GRID2: variants seen among roughly 807,000 people sequenced by gnomAD.
GRID2 encodes glutamate receptor ionotropic, delta-2.
A neutral mutation model predicts 114.8 loss-of-function variants in GRID2; 33 were observed. That is an observed-to-expected ratio of 0.29 (90% CI 0.22 to 0.38). GRID2 has a LOEUF of 0.38. GRID2 is among the 10% of genes least tolerant of loss of function. GRID2 has a pLI of 1.00. For synonymous variants in GRID2, 505 were observed against 449.9 expected (o/e 1.12, Z -1.55); for missense variants, 1,184 against 1,257.7 (o/e 0.94, Z 0.89).
At chr4:93,782,799 T>G (rs1468983319) in intron 1 of GRID2, among the ~76,000 whole-genome samples, 2 of 152,136 alleles carry the variant, frequency 1.3e-5, no homozygotes, top group Non-Finnish European at 2.9e-5. Context: ...AAAATAACTG[T>G]TAAAACCTGA....
intron 14 of GRID2, among the ~76,000 whole-genome samples, chr4:93,728,770 T>C (rs1480688013): frequency 6.6e-6 from 1 of 152,150 alleles, no homozygotes; most frequent in Non-Finnish European, 1.5e-5. Context: ...TGATCTTTGT[T>C]GGTTTAAAGT....
At chr4:93,382,498 T>C (rs1283190938) in intron 8 of GRID2, among the ~76,000 whole-genome samples, 2 of 152,088 alleles carry the variant, frequency 1.3e-5, no homozygotes, top group African/African-American at 4.8e-5. Flanking sequence ...TTCTTCTGGC[T>C]GCTTAAATCT....
intron 4 of GRID2, among the ~76,000 whole-genome samples, chr4:93,169,634 T>G (rs1738602715): frequency 6.6e-6 from 1 of 152,216 alleles, no homozygotes; most frequent in Admixed American, 6.5e-5. Context: ...GGAGTTATTT[T>G]TCAGTGGTTG....
At position 93,149,125 on chromosome 4, in the gene GRID2, C is replaced by T. The variant is rs533581413; in HGVS notation, c.735+38172C>T. 6.0e-4 allele frequency among the ~76,000 whole-genome samples: 92 copies of T among 152,170 alleles called. 1 individual carries two copies. The highest frequency in any genetic ancestry group is 1.2e-3 in the African/African-American group (51 of 41,516). On this transcript the variant is annotated intron_variant, in intron 4 of 15. Coordinates refer to ENST00000282020, the MANE Select transcript of GRID2 (RefSeq NM_001510.4). ...CCCCTCAGCAGCAGATCCCGTGTGA[C>T]GCTGCTAAGCATACATTGAAATACA...
chr4:93,669,031 T>C lies in GRID2; in HGVS notation c.2360+42596T>C, dbSNP rs1578520761. Among the ~76,000 whole-genome samples, 4 of 152,192 alleles carry C rather than the reference T, an allele frequency of 2.6e-5. No individual in the cohort carries two copies. The East Asian group carries it at 5.8e-4, about 22-fold the overall frequency. ...ATAGTTTGGCATGCTTAGTAAGTGA[T>C]ATCTCATGAGTGAAATGTTGATGCA... On this transcript the variant is annotated intron_variant, in intron 14 of 15. Transcript: ENST00000282020.
chr4:93,219,316 T>C (rs1744612188), intron 6 of GRID2, among the ~76,000 whole-genome samples: 1 of 152,170 alleles, frequency 6.6e-6, no homozygotes, highest in Admixed American at 6.6e-5. Context: ...AACATAATCT[T>C]TCCATTTCAG....
intron 1 of GRID2, among the ~76,000 whole-genome samples, chr4:92,325,193 T>C (rs1726529978): frequency 6.6e-6 from 1 of 151,960 alleles, no homozygotes; most frequent in African/African-American, 2.4e-5. Flanking sequence ...TCAGCTCAAA[T>C]GCCATTTTAC....
intron 4 of GRID2, among the ~76,000 whole-genome samples, chr4:93,111,601 T>A (rs1333793746): frequency 1.3e-5 from 2 of 152,178 alleles, no homozygotes; most frequent in African/African-American, 2.4e-5. Flanking sequence ...TGCCTGCTAT[T>A]GCCTTGTAAA....
At chr4:93,123,198 A>G (rs927140263) in intron 4 of GRID2, among the ~76,000 whole-genome samples, 4 of 152,042 alleles carry the variant, frequency 2.6e-5, no homozygotes, top group African/African-American at 4.8e-5. Context: ...CTAACAGCCT[A>G]TAGTCTATTT....
intron 13 of GRID2, among the ~76,000 whole-genome samples, chr4:93,529,179 A>ATGCTTATT (rs774801472): frequency 1.3e-5 from 2 of 152,166 alleles, no homozygotes; most frequent in Non-Finnish European, 2.9e-5. Context: ...GCTGTCCAAA[A>ATGCTTATT]TGCTTATTCT....
At chr4:92,832,125 TAAAA>T (rs934124638) in intron 2 of GRID2, among the ~76,000 whole-genome samples, 1 of 150,424 alleles carries the variant, frequency 6.6e-6, no homozygotes, top group South Asian at 2.1e-4. Flanking sequence ...CTTATGAAAA[TAAAA>T]AAAAGGAAAG....
chr4:92,323,575 G>A (rs1726434142), intron 1 of GRID2, among the ~76,000 whole-genome samples: 1 of 151,930 alleles, frequency 6.6e-6, no homozygotes, highest in Non-Finnish European at 1.5e-5. Flanking sequence ...CCTACTTTAT[G>A]TAAACCTTAC....
intron 14 of GRID2, among the ~76,000 whole-genome samples, chr4:93,656,367 T>C (rs13109479): frequency 0.21 from 31,733 of 151,906 alleles, 3,571 homozygotes; most frequent in Middle Eastern, 0.36. Flanking sequence ...AGTGTAAAGA[T>C]TGGGGGACAA....
intron 1 of GRID2, among the ~76,000 whole-genome samples, chr4:92,459,145 A>C (rs1721355023): frequency 6.6e-6 from 1 of 152,192 alleles, no homozygotes; most frequent in African/African-American, 2.4e-5. Context: ...ACTCATAGCA[A>C]AAGAGGTAAA....
At chr4:92,314,131 A>T (rs943120419) in intron 1 of GRID2, among the ~76,000 whole-genome samples, 4 of 152,074 alleles carry the variant, frequency 2.6e-5, no homozygotes, top group Non-Finnish European at 5.9e-5. Flanking sequence ...AATTGGATCA[A>T]GTGACACCAG....
chr4:92,427,301 C>T (rs916926349), intron 1 of GRID2, among the ~76,000 whole-genome samples: 24 of 151,900 alleles, frequency 1.6e-4, no homozygotes, highest in African/African-American at 5.6e-4. Context: ...TTCCCTAAAA[C>T]GTATGACAAA....
intron 2 of GRID2, among the ~76,000 whole-genome samples, chr4:92,664,975 A>G (rs899818685): frequency 5.1e-5 from 7 of 138,438 alleles, no homozygotes; most frequent in East Asian, 4.3e-4. Context: ...TTAAAAGTCC[A>G]CTCTGCCATT....
intron 1 of GRID2, among the ~76,000 whole-genome samples, chr4:93,795,785 A>T (rs896953947): frequency 6.6e-5 from 10 of 152,354 alleles, no homozygotes; most frequent in Non-Finnish European, 1.2e-4. Flanking sequence ...TTATATTATC[A>T]GCAGTGGTTC....
chr4:92,568,550 A>C (rs1727451360), intron 1 of GRID2, among the ~76,000 whole-genome samples: 2 of 151,914 alleles, frequency 1.3e-5, no homozygotes, highest in African/African-American at 4.8e-5. Context: ...TGAAGTGCAA[A>C]ATTTCATTAA....
Sources: gnomAD v4.1 joint callset for allele counts (sites outside exome capture counted in the v4.1 genomes callset) on GRCh38, gnomAD v4.1.1 for gene constraint, MANE v1.5 for transcripts, NCBI Gene and HGNC (gene_info 2026-07-23, HGNC 2026-07-21) for gene names.